Variants in ADAM23 observed in about 807,000 individuals in gnomAD.
ADAM23 encodes the protein disintegrin and metalloproteinase domain-containing protein 23.
In ADAM23, 33 loss-of-function variants were observed where a neutral mutation model predicts 120.1. That is an observed-to-expected ratio of 0.27 (90% CI 0.21 to 0.37). The LOEUF is 0.37. ADAM23 is among the 10% of genes least tolerant of loss of function. The pLI, the probability that ADAM23 is intolerant of heterozygous loss-of-function variation, is 1.00. For synonymous variants in ADAM23, 367 were observed against 375.2 expected, an observed-to-expected ratio of 0.98 and a Z score of 0.25; for missense variants, 862 against 1,058.2, an observed-to-expected ratio of 0.81 and a Z score of 2.57.
intron 4 of ADAM23, among the ~76,000 whole-genome samples, chr2:206,535,654 C>T (rs998312541): frequency 1.3e-5 from 2 of 152,162 alleles, no homozygotes; most frequent in Admixed American, 1.3e-4. Flanking sequence ...ATACATACTA[C>T]ACCAAAAGAT....
chr2:206,522,117 A>T (rs978135829), intron 3 of ADAM23, among the ~76,000 whole-genome samples: 3 of 151,854 alleles, frequency 2.0e-5, no homozygotes, highest in Non-Finnish European at 4.4e-5. Context: ...GGTTATATAT[A>T]TGTATGTAAA....
intron 2 of ADAM23, among the ~76,000 whole-genome samples, chr2:206,475,004 T>G (rs1008684026): frequency 2.7e-4 from 41 of 152,232 alleles, no homozygotes; most frequent in Non-Finnish European, 4.3e-4. Context: ...GTATGGCACT[T>G]TTTTGTCATT....
intron 24 of ADAM23, among the ~76,000 whole-genome samples, chr2:206,597,757 G>A (rs1479466789): frequency 6.6e-6 from 1 of 152,124 alleles, no homozygotes; most frequent in East Asian, 1.9e-4. Context: ...ATGCATATAG[G>A]ATTAGTACCA....
At position 206,596,076 on chromosome 2, in the gene ADAM23, T is replaced by A; in HGVS notation, c.2273T>A (p.Ile758Asn). ...HGVCSNEATC[I>N]CDFTWAGTDC... ...GTGTGTAGTAATGAAGCCACCTGCATTTGTGATTTCACCTGGGCAGGGACA... is the reference window on the plus strand; with the variant it reads ...GTGTGTAGTAATGAAGCCACCTGCAATTGTGATTTCACCTGGGCAGGGACA... Residue 758 changes from isoleucine (I) to asparagine (N), a missense_variant, in exon 24 of 26, where the codon ATT (isoleucine) becomes AAT (asparagine). Around this residue, in one of 4 missense-constraint regions of ADAM23, gnomAD observed 617 missense variants for 813.5 expected, o/e 0.76. Transcript: ENST00000264377. 5 of 1,614,014 alleles carry A rather than the reference T, an allele frequency of 3.1e-6. No individual in the cohort carries two copies. The highest frequency in any genetic ancestry group is 4.2e-6 in the Non-Finnish European group (5 of 1,179,926).
At chr2:206,474,714 A>G (rs916068921) in intron 2 of ADAM23, among the ~76,000 whole-genome samples, 2 of 152,084 alleles carry the variant, frequency 1.3e-5, no homozygotes, top group Non-Finnish European at 2.9e-5. Context: ...AGCTGGGACT[A>G]GAGGCATGCA....
At chr2:206,482,988 A>G (rs945730712) in intron 3 of ADAM23, among the ~76,000 whole-genome samples, 27 of 152,144 alleles carry the variant, frequency 1.8e-4, no homozygotes, top group African/African-American at 6.3e-4. Context: ...GACGAGGAAG[A>G]TGAGTTGGGA....
At chr2:206,545,794 A>T (rs1027143843) in intron 6 of ADAM23, among the ~76,000 whole-genome samples, 8 of 152,230 alleles carry the variant, frequency 5.3e-5, no homozygotes, top group Admixed American at 3.3e-4. Flanking sequence ...TGTGTACAGC[A>T]AAATTATTCG....
chr2:206,573,007 G>T, intron 17 of ADAM23, 108 bp from the exon 18 acceptor site: 3 of 1,068,328 alleles, frequency 2.8e-6, no homozygotes, highest in Non-Finnish European at 4.4e-6. Flanking sequence ...AAAAGAGTTT[G>T]GTGTTAGTTA....
At chr2:206,609,676 A>G (rs990408226) in intron 24 of ADAM23, 1 of 454,538 alleles carries the variant, frequency 2.2e-6, no homozygotes, top group African/African-American at 2.1e-5. Context: ...AGGTGAATTT[A>G]ATGGAACTTA....
chr2:206,507,043 G>A (rs1355560247), intron 3 of ADAM23, among the ~76,000 whole-genome samples: 1 of 152,202 alleles, frequency 6.6e-6, no homozygotes, highest in Non-Finnish European at 1.5e-5. Flanking sequence ...AATAAAAGGA[G>A]ATTCACATCT....
intron 3 of ADAM23, among the ~76,000 whole-genome samples, chr2:206,503,945 T>TAA (rs555372697): frequency 7.2e-5 from 11 of 152,170 alleles, no homozygotes; most frequent in Non-Finnish European, 1.5e-5. Context: ...ACCTAAAACC[T>TAA]ATAAAGGACT....
chr2:206,473,164 G>T (rs986822688), intron 2 of ADAM23, among the ~76,000 whole-genome samples: 1 of 152,124 alleles, frequency 6.6e-6, no homozygotes, highest in Non-Finnish European at 1.5e-5. Context: ...TAACACTCCA[G>T]AATGGAAGGC....
chr2:206,607,595 C>A (rs554615507), intron 24 of ADAM23, among the ~76,000 whole-genome samples: 51 of 152,222 alleles, frequency 3.4e-4, no homozygotes, highest in Admixed American at 2.4e-3. Flanking sequence ...TTTCATCAAT[C>A]ATTTCCAGTT....
intron 24 of ADAM23, among the ~76,000 whole-genome samples, chr2:206,597,730 C>T (rs1414132661): frequency 6.6e-6 from 1 of 152,132 alleles, no homozygotes; most frequent in Admixed American, 6.5e-5. Flanking sequence ...CCGTGCTTTT[C>T]TCTGACAGGT....
At chr2:206,579,298 A>G (rs984752447) in intron 18 of ADAM23, among the ~76,000 whole-genome samples, 1 of 152,006 alleles carries the variant, frequency 6.6e-6, no homozygotes, top group African/African-American at 2.4e-5. Context: ...TGGTCATGAA[A>G]TCTTTGCCTA....
Position 206,497,348 on chromosome 2 carries a change from A to AT in ADAM23, c.509+16041dup, listed in dbSNP as rs1412512379. Reference sequence around the variant, plus strand: ...CCATGGGATGCAAGGCTGGTTCAACATACGAAAATCAATAAATGTAATCCA... The same window carrying AT: ...CCATGGGATGCAAGGCTGGTTCAACATTACGAAAATCAATAAATGTAATCCA... On this transcript the variant is annotated intron_variant, in intron 3 of 25. Coordinates refer to ENST00000264377, the MANE Select transcript of ADAM23 (RefSeq NM_003812.4). Among the ~76,000 whole-genome samples the AT allele has an allele frequency of 3.9e-5, 6 of 152,352 alleles. No individual in the cohort carries two copies. The East Asian group carries it at 1.2e-3, about 29-fold the overall frequency.
intron 3 of ADAM23, among the ~76,000 whole-genome samples, chr2:206,487,451 T>C (rs563985796): frequency 3.3e-5 from 5 of 152,312 alleles, no homozygotes; most frequent in African/African-American, 1.2e-4. Flanking sequence ...TAGTGAGCAC[T>C]GGGAATTCAG....
chr2:206,457,151 A>G (rs1559215204), intron 2 of ADAM23, among the ~76,000 whole-genome samples: 1 of 152,158 alleles, frequency 6.6e-6, no homozygotes, highest in African/African-American at 2.4e-5. Flanking sequence ...CAACTCTCCA[A>G]TGCATTGGTA....
At chr2:206,612,136 G>A (rs1280566394) in intron 25 of ADAM23, among the ~76,000 whole-genome samples, 1 of 152,214 alleles carries the variant, frequency 6.6e-6, no homozygotes, top group Non-Finnish European at 1.5e-5. Context: ...TTTGGAGAAT[G>A]TGCTACTCCT....
Sources: allele counts gnomAD v4.1 joint callset (sites outside exome capture counted in the v4.1 genomes callset), GRCh38; gene constraint gnomAD v4.1.1; regional missense constraint gnomAD v4.1.1; transcripts MANE v1.5; gene names NCBI Gene and HGNC (gene_info 2026-07-23, HGNC 2026-07-21).